The following TSC1 variants were observed in gnomAD, a reference collection of about 807,000 sequenced individuals.
TSC1 encodes the protein TSC complex subunit 1.
TSC1 carries 20 observed loss-of-function variants against 124.3 expected under a neutral mutation model. The observed-to-expected ratio is 0.16, with a 90% CI of 0.11 to 0.23. The LOEUF is 0.23. Among genes scored for constraint, TSC1 ranks in the 10% least tolerant of loss-of-function variants. The probability of loss-of-function intolerance (pLI) is 1.00; values close to 1 mark genes in which losing one functional copy is unlikely to be tolerated. For synonymous variants in TSC1, 493 were observed against 539.1 expected, an observed-to-expected ratio of 0.91 and a Z score of 1.19; for missense variants, 1,124 against 1,448.5, an observed-to-expected ratio of 0.78 and a Z score of 3.64.
chr9:132,912,512 A>T (rs1031764146), intron 8 of TSC1, 55 bp from the exon 9 acceptor site: 53 of 1,604,392 alleles, frequency 3.3e-5, no homozygotes, highest in Non-Finnish European at 4.4e-5. Flanking sequence ...TGAATTAAAT[A>T]CTTCAGAGTG....
rs1588363873 is a variant in TSC1, at chr9:132,928,894, G to A, written c.-22C>T. 1.9e-6 allele frequency: 3 copies of A among 1,613,718 alleles called. No individual in the cohort carries two copies. The East Asian group carries it at 6.7e-5, about 36-fold the overall frequency. ...CCATTCTCTCGCTCGAAGGCGCTGT[G>A]CTGGCTCCAGGACGTGTGCTACAGG... On this transcript the variant is annotated 5_prime_UTR_variant, in exon 3 of 23. Transcript: ENST00000298552.
intron 1 of TSC1, among the ~76,000 whole-genome samples, chr9:132,942,939 T>C (rs1847816152): frequency 6.6e-6 from 1 of 152,230 alleles, no homozygotes; most frequent in Admixed American, 6.5e-5. Flanking sequence ...AAGGTGCATT[T>C]CCCTACACAA....
Position 132,897,612 on chromosome 9 carries a change from T to TAAAAAA in TSC1, c.2626-3_2626-2insTTTTTT. 4.4e-6 allele frequency: 4 copies of TAAAAAA among 914,492 alleles called. No individual in the cohort carries two copies. Among genetic ancestry groups the TAAAAAA allele is most frequent in the Non-Finnish European group, 4.4e-6 (3 of 685,768 alleles). The allele number at this position is 914,492 out of a possible 1,614,324, so 56.6% of individuals were successfully genotyped here. ...GGCGGCTTTCATCATTTCTACTTCC[T>TAAAAAA]GAAAAAAAAAAAAAAAAAAGACTGG... On this transcript the variant is annotated splice_region_variant and splice_polypyrimidine_tract_variant and intron_variant, in intron 20 of 22. Transcript: ENST00000298552.
At position 132,892,295 on chromosome 9, in the gene TSC1, C is replaced by A. The variant is rs1564464100; in HGVS notation, c.*3940G>T. The A allele has an allele frequency of 4.3e-6, 1 of 233,256 alleles. No individual in the cohort carries two copies. Among genetic ancestry groups the A allele is most frequent in the African/African-American group, 2.2e-5 (1 of 45,368 alleles). The allele number at this position is 233,256 out of a possible 1,614,324, so 14.4% of individuals were successfully genotyped here. A position where few individuals can be genotyped will look rare whatever the true frequency, so the allele number is the denominator to read the frequency against. ...AAGCTTAATCAAGTGCAATCAATGC[C>A]TTGGGATCTTTGCAGCAATCTGGGG... is the stretch of plus-strand genomic sequence containing the variant. On this transcript the variant is annotated 3_prime_UTR_variant, in exon 23 of 23. Transcript: ENST00000298552.
intron 9 of TSC1, 56 bp from the exon 10 acceptor site, chr9:132,911,624 TTAAA>T: frequency 3.3e-6 from 1 of 301,832 alleles, no homozygotes; most frequent in Non-Finnish European, 5.4e-6. Flanking sequence ...GTTATTCTGG[TTAAA>T]AAAAAAAAAA....
In TSC1 at chr9:132,921,319, A is replaced by G. The variant is rs767014383; in HGVS notation, c.737+44T>C. 7 of 1,595,440 alleles carry G rather than the reference A, an allele frequency of 4.4e-6. No homozygotes were observed. Among genetic ancestry groups the G allele is most frequent in the South Asian group, 3.3e-5 (3 of 90,624 alleles). ...GATTACCTCCTAGATCACATTTTCA[A>G]TCTCTCGAAAGATTCTTTAAAATTT... is the stretch of plus-strand genomic sequence containing the variant. On this transcript the variant is annotated intron_variant, in intron 8 of 22. Transcript: ENST00000298552. The surrounding 1 kb of genome is among the most constrained non-coding windows in gnomAD (Gnocchi z 4.3).
At chr9:132,898,592 G>A (rs946224801) in intron 20 of TSC1, among the ~76,000 whole-genome samples, 1 of 152,196 alleles carries the variant, frequency 6.6e-6, no homozygotes, top group Non-Finnish European at 1.5e-5. Flanking sequence ...TGTGCTAAAT[G>A]GCTCGACTTC....
rs368317116 is a variant in TSC1 at position 132,905,901 on chromosome 9, G to A, written c.1677C>T (p.Cys559=). 106 of 1,612,000 alleles carry A rather than the reference G, an allele frequency of 6.6e-5. No individual in the cohort carries two copies. Among genetic ancestry groups the A allele is most frequent in the African/African-American group, 4.0e-4 (30 of 74,820 alleles). Residue 559 remains cysteine, a synonymous_variant, in exon 15 of 23, where the codon TGC becomes TGT. Transcript: ENST00000298552. The stretch of plus-strand genomic sequence containing the variant: ...CCGCAGGGCTTTCATCAGCACTGCC[G>A]CAGGGCAGGTCTATGGGAGTAAAGG... ...KQAFTPIDLP[C]GSADESPAGD...
rs978206069 is a variant in TSC1 at position 132,923,152 on chromosome 9, A to C, written c.508+196T>G. On this transcript the variant is annotated intron_variant, in intron 6 of 22. Transcript: ENST00000298552. This position sits in a 1 kb window ranked among gnomAD's most constrained non-coding sequence, Gnocchi z 4.2. Reference sequence around the variant, plus strand: ...TCCTTTTAAGCCAAGAAAATAAAAAAAGTTATCTCAACAGTCATGTTTCTT... The same window carrying C: ...TCCTTTTAAGCCAAGAAAATAAAAACAGTTATCTCAACAGTCATGTTTCTT... Among the ~76,000 whole-genome samples the C allele has an allele frequency of 1.3e-5, 2 of 152,214 alleles. No homozygotes were observed. The highest frequency in any genetic ancestry group is 4.8e-5 in the African/African-American group (2 of 41,444).
chr9:132,920,204 G>C (rs867297394), intron 8 of TSC1, among the ~76,000 whole-genome samples: 1 of 152,176 alleles, frequency 6.6e-6, no homozygotes, highest in Non-Finnish European at 1.5e-5. Context: ...ACTCAGATGC[G>C]CTGGTCCTCC....
chr9:132,914,452 AC>A (rs1173445524), intron 8 of TSC1, among the ~76,000 whole-genome samples: 1 of 152,166 alleles, frequency 6.6e-6, no homozygotes, highest in Non-Finnish European at 1.5e-5. Flanking sequence ...ACACAAAGGA[AC>A]TTTTGGGATG....
rs201568350 is a variant in TSC1, at chr9:132,900,848, A to T, written c.2503-11T>A. ...CTCACTGTTTGAGAGCTAACCAAAA[A>T]ACATGAGCAAAGTGAAAAATCCGAC... On this transcript the variant is annotated splice_polypyrimidine_tract_variant and intron_variant, in intron 19 of 22. Coordinates refer to ENST00000298552, the MANE Select transcript of TSC1 (RefSeq NM_000368.5). 6.8e-6 allele frequency: 11 copies of T among 1,613,892 alleles called. No individual in the cohort carries two copies. The highest frequency in any genetic ancestry group is 9.3e-6 in the Non-Finnish European group (11 of 1,179,902).
At chr9:132,934,770 G>A (rs1169121734) in intron 2 of TSC1, among the ~76,000 whole-genome samples, 2 of 152,216 alleles carry the variant, frequency 1.3e-5, no homozygotes, top group African/African-American at 2.4e-5. Flanking sequence ...GTTTGAACCC[G>A]AATCCTCACC....
chr9:132,911,056 CAGG>C lies in TSC1; in HGVS notation c.1084_1086del (p.Pro362del), dbSNP rs1554817252. On this transcript the variant is annotated inframe_deletion, in exon 11 of 23. Transcript: ENST00000298552. Reference sequence around the variant, plus strand: ...TGTGACAGATCAGGTGGGACATTTCCAGGAGAAGTTGGAGGAGTGGTCATACCA... The same window carrying C: ...TGTGACAGATCAGGTGGGACATTTCCAGAAGTTGGAGGAGTGGTCATACCA... 6.2e-7 allele frequency: 1 copy of C among 1,614,114 alleles called. No homozygotes were observed. Among genetic ancestry groups the C allele is most frequent in the South Asian group, 1.1e-5 (1 of 91,080 alleles).
chr9:132,925,246 T>C (rs1478863333), intron 5 of TSC1, among the ~76,000 whole-genome samples: 1 of 152,216 alleles, frequency 6.6e-6, no homozygotes, highest in Non-Finnish European at 1.5e-5. Flanking sequence ...AGCTAAAAGA[T>C]AATTTAGAAA....
Position 132,892,704 on chromosome 9 carries a change from C to G in TSC1, c.*3531G>C, listed in dbSNP as rs886063579. 1.7e-5 allele frequency: 4 copies of G among 233,208 alleles called. No homozygotes were observed. Among genetic ancestry groups the G allele is most frequent in the Non-Finnish European group, 2.5e-5 (3 of 118,076 alleles). 14.4% of individuals were successfully genotyped at this position (233,208 alleles called of 1,614,324 possible). On this transcript the variant is annotated 3_prime_UTR_variant, in exon 23 of 23. Coordinates refer to ENST00000298552, the MANE Select transcript of TSC1 (RefSeq NM_000368.5). ...TTGTTTGCTCTTCGGTTCTTTCCTT[C>G]TTCAAGTGGTATGCTCTACTATTTG...
chr9:132,927,521 CTTTTTT>C (rs57259325), intron 3 of TSC1, among the ~76,000 whole-genome samples: 1 of 103,940 alleles, frequency 9.6e-6, no homozygotes, highest in Non-Finnish European at 1.8e-5. Flanking sequence ...TTTTTATTGC[CTTTTTT>C]TTTTTTTTTT....
In TSC1 at chr9:132,902,589, G is replaced by C. The variant is rs377005728; in HGVS notation, c.2391+16C>G. On this transcript the variant is annotated intron_variant, in intron 18 of 22. Coordinates refer to ENST00000298552, the MANE Select transcript of TSC1 (RefSeq NM_000368.5). This position sits in a 1 kb window ranked among gnomAD's most constrained non-coding sequence, Gnocchi z 5.2. ...GCATTCTCGCAGTTGGCTTTGCCTG[G>C]TGCTGCAGTTTATACCTGTAATTCC... is the stretch of plus-strand genomic sequence containing the variant. 6.2e-7 allele frequency: 1 copy of C among 1,613,558 alleles called. No individual in the cohort carries two copies. The highest frequency in any genetic ancestry group is 8.5e-7 in the Non-Finnish European group (1 of 1,180,004).
At position 132,923,260 on chromosome 9, in the gene TSC1, T is replaced by C. The variant is rs143927613; in HGVS notation, c.508+88A>G. ...CTCATTTCAGCTATAAAAGTCTACA[T>C]GTCCATTCCTTACAGCATATGAGCA... On this transcript the variant is annotated intron_variant, in intron 6 of 22. Coordinates refer to ENST00000298552, the MANE Select transcript of TSC1 (RefSeq NM_000368.5). This position sits in a 1 kb window ranked among gnomAD's most constrained non-coding sequence, Gnocchi z 4.2. The C allele has an allele frequency of 2.9e-5, 45 of 1,547,816 alleles. 1 individual carries two copies. The Middle Eastern group carries it at 8.7e-4, about 30-fold the overall frequency.
Sources: allele counts gnomAD v4.1 joint callset (sites outside exome capture counted in the v4.1 genomes callset), GRCh38; gene constraint gnomAD v4.1.1; non-coding constraint Gnocchi (gnomAD v3.1); transcripts MANE v1.5; gene names NCBI Gene and HGNC (gene_info 2026-07-23, HGNC 2026-07-21).